MICU1: variants seen among roughly 807,000 people sequenced by gnomAD.
MICU1 encodes the protein calcium uptake protein 1, mitochondrial.
In MICU1, 45 loss-of-function variants were observed where a neutral mutation model predicts 56.8. The ratio of observed to expected loss-of-function variants is 0.79; its 90% CI spans 0.62 to 1.02. The LOEUF is 1.02. Among genes scored for constraint, MICU1 ranks in the 50% least tolerant of loss-of-function variants. MICU1 has a pLI of 0.00. For synonymous variants in MICU1, 186 were observed against 195.1 expected, an observed-to-expected ratio of 0.95 and a Z score of 0.39; for missense variants, 504 against 587.1, an observed-to-expected ratio of 0.86 and a Z score of 1.46.
intron 1 of MICU1, among the ~76,000 whole-genome samples, chr10:72,584,303 T>C (rs1388334334): frequency 6.6e-6 from 1 of 151,908 alleles, no homozygotes; most frequent in African/African-American, 2.4e-5. Flanking sequence ...AAATCTGCCC[T>C]TCCAAATAAC....
At chr10:72,509,223 T>C (rs1867360614) in intron 5 of MICU1, among the ~76,000 whole-genome samples, 1 of 152,202 alleles carries the variant, frequency 6.6e-6, no homozygotes, top group Non-Finnish European at 1.5e-5. Flanking sequence ...ATTTTGAGTA[T>C]AAAAAATAGA....
intron 6 of MICU1, among the ~76,000 whole-genome samples, chr10:72,507,950 T>G (rs180833074): frequency 8.5e-5 from 13 of 152,298 alleles, no homozygotes; most frequent in African/African-American, 3.1e-4. Context: ...ACTTTGATAC[T>G]TTAGTTTTCT....
At chr10:72,544,632 T>C (rs74148018) in intron 4 of MICU1, among the ~76,000 whole-genome samples, 5,157 of 152,240 alleles carry the variant, frequency 0.034, 282 homozygotes, top group African/African-American at 0.11. Context: ...TGGCCAGCTA[T>C]GCAGAGCTGG....
intron 3 of MICU1, among the ~76,000 whole-genome samples, chr10:72,562,193 G>A (rs940486339): frequency 2.1e-5 from 2 of 93,362 alleles, no homozygotes; most frequent in South Asian, 3.5e-4. Flanking sequence ...TTGCTTTGCC[G>A]CCCAGGCTGA....
At chr10:72,570,231 C>G (rs1840574055) in intron 1 of MICU1, among the ~76,000 whole-genome samples, 1 of 152,130 alleles carries the variant, frequency 6.6e-6, no homozygotes, top group African/African-American at 2.4e-5. Context: ...AGGTGTGAGC[C>G]ACCATGCCCA....
intron 9 of MICU1, among the ~76,000 whole-genome samples, chr10:72,417,230 A>G (rs1864010090): frequency 1.3e-5 from 2 of 152,168 alleles, no homozygotes; most frequent in Admixed American, 1.3e-4. Context: ...AGGCGGGTGG[A>G]TCACGAGGTC....
At chr10:72,554,333 A>G (rs887903269) in intron 3 of MICU1, among the ~76,000 whole-genome samples, 1 of 152,264 alleles carries the variant, frequency 6.6e-6, no homozygotes, top group Non-Finnish European at 1.5e-5. Context: ...GCAACTAGAC[A>G]TTAGGTGTCT....
At chr10:72,485,819 T>C (rs1030606940) in intron 6 of MICU1, among the ~76,000 whole-genome samples, 1 of 151,708 alleles carries the variant, frequency 6.6e-6, no homozygotes, top group Non-Finnish European at 1.5e-5. Flanking sequence ...AGTTAAAATT[T>C]TCAACTTCCA....
chr10:72,623,018 C>T (rs1402142709), intron 1 of MICU1, among the ~76,000 whole-genome samples: 6 of 152,054 alleles, frequency 3.9e-5, no homozygotes, highest in Non-Finnish European at 8.8e-5. Flanking sequence ...CCTCTAATCC[C>T]AGCAATTTGG....
At chr10:72,551,387 A>C (rs779981004) in intron 3 of MICU1, 46 bp from the exon 4 acceptor site, 2 of 1,335,462 alleles carry the variant, frequency 1.5e-6, no homozygotes, top group Non-Finnish European at 2.0e-6. Context: ...AGCAATGCTC[A>C]TATGCTCATA....
At chr10:72,369,589 C>T (rs759123591) in intron 11 of MICU1, among the ~76,000 whole-genome samples, 34 of 152,110 alleles carry the variant, frequency 2.2e-4, no homozygotes, top group Non-Finnish European at 4.3e-4. Context: ...GTGGTGAAAA[C>T]CAAAATCAAA....
At chr10:72,450,077 ACT>A (rs1481573918) in intron 8 of MICU1, among the ~76,000 whole-genome samples, 1 of 151,890 alleles carries the variant, frequency 6.6e-6, no homozygotes, top group African/African-American at 2.4e-5. Context: ...CGGGCCCAAC[ACT>A]CTCGTGAAAG....
chr10:72,387,856 T>C (rs1213501582), intron 10 of MICU1, among the ~76,000 whole-genome samples: 2 of 151,156 alleles, frequency 1.3e-5, no homozygotes, highest in African/African-American at 2.4e-5. Context: ...AGCCCCCTAA[T>C]AAGATAAACA....
At chr10:72,480,703 A>G (rs1866267697) in intron 6 of MICU1, among the ~76,000 whole-genome samples, 1 of 152,248 alleles carries the variant, frequency 6.6e-6, no homozygotes, top group African/African-American at 2.4e-5. Context: ...GAATTAAAGC[A>G]GTATCCCCAT....
intron 3 of MICU1, among the ~76,000 whole-genome samples, chr10:72,558,561 C>A (rs1840215897): frequency 6.6e-6 from 1 of 152,136 alleles, no homozygotes; most frequent in South Asian, 2.1e-4. Flanking sequence ...TTTTAGTAAG[C>A]TGCTACCTAG....
intron 2 of MICU1, among the ~76,000 whole-genome samples, chr10:72,563,435 A>G (rs911693132): frequency 2.0e-4 from 30 of 152,234 alleles, no homozygotes; most frequent in African/African-American, 7.0e-4. Context: ...AACGTGGATG[A>G]ATCTTGAGGG....
intron 10 of MICU1, among the ~76,000 whole-genome samples, chr10:72,396,160 C>T (rs185546934): frequency 6.6e-6 from 1 of 152,328 alleles, no homozygotes; most frequent in East Asian, 1.9e-4. Flanking sequence ...GAGTGGACCT[C>T]CAGCCAACTC....
chr10:72,481,602 G>A (rs1866298337), intron 6 of MICU1, among the ~76,000 whole-genome samples: 1 of 152,112 alleles, frequency 6.6e-6, no homozygotes, highest in South Asian at 2.1e-4. Context: ...AGTAGAGACG[G>A]GGTTTCACCA....
At chr10:72,470,640 C>A (rs1349424449) in intron 8 of MICU1, among the ~76,000 whole-genome samples, 1 of 152,160 alleles carries the variant, frequency 6.6e-6, no homozygotes, top group Admixed American at 6.5e-5. Flanking sequence ...GACCTAATCA[C>A]CCCTTAAAGC....
Sources: allele counts gnomAD v4.1 joint callset (sites outside exome capture counted in the v4.1 genomes callset), GRCh38; gene constraint gnomAD v4.1.1; transcripts MANE v1.5; gene names NCBI Gene and HGNC (gene_info 2026-07-23, HGNC 2026-07-21).